RARB: variants seen among roughly 807,000 people sequenced by gnomAD.
RARB encodes the protein retinoic acid receptor beta, also known as HBV-activated protein.
Under a neutral mutation model 51.9 loss-of-function variants are expected in RARB, and 17 were observed. That is an observed-to-expected ratio of 0.33 (90% confidence interval 0.22 to 0.49). RARB has a LOEUF of 0.49. RARB is among the 20% of genes least tolerant of loss of function. The pLI, the probability that RARB is intolerant of heterozygous loss-of-function variation, is 0.99. For synonymous variants in RARB, 215 were observed against 195.4 expected, an observed-to-expected ratio of 1.10 and a Z score of -0.84; for missense variants, 369 against 550.8, an observed-to-expected ratio of 0.67 and a Z score of 3.30.
intron 3 of RARB, among the ~76,000 whole-genome samples, chr3:25,554,214 A>C (rs1047786513): frequency 6.7e-6 from 1 of 149,318 alleles, no homozygotes; most frequent in Non-Finnish European, 1.5e-5. Flanking sequence ...ACTGACATCT[A>C]GTATGTTGCC....
intron 5 of RARB, among the ~76,000 whole-genome samples, chr3:25,348,138 T>A (rs2125455418): frequency 6.6e-6 from 1 of 152,284 alleles, no homozygotes; most frequent in East Asian, 1.9e-4. Flanking sequence ...GGCTGTGAGA[T>A]CCAGCAGAGT....
intron 2 of RARB, among the ~76,000 whole-genome samples, chr3:24,933,060 T>A (rs1695474582): frequency 6.6e-6 from 1 of 152,108 alleles, no homozygotes; most frequent in Non-Finnish European, 1.5e-5. Flanking sequence ...ATAGCTGTAT[T>A]TTCATAAATA....
At chr3:25,553,255 G>A (rs1196008874) in intron 3 of RARB, among the ~76,000 whole-genome samples, 2 of 151,536 alleles carry the variant, frequency 1.3e-5, no homozygotes, top group East Asian at 1.9e-4. Context: ...CCCTTTCACT[G>A]GATGGGAGCC....
chr3:25,509,901 C>T (rs1376293875), intron 3 of RARB, among the ~76,000 whole-genome samples: 3 of 152,180 alleles, frequency 2.0e-5, no homozygotes, highest in Non-Finnish European at 2.9e-5. Context: ...TTATTTGGGA[C>T]TCTGTGGCCT....
intron 4 of RARB, among the ~76,000 whole-genome samples, chr3:25,165,026 A>G (rs1260096319): frequency 1.3e-5 from 2 of 152,294 alleles, no homozygotes; most frequent in Non-Finnish European, 2.9e-5. Flanking sequence ...TAAAAGGGGC[A>G]GTTAAGTACT....
At chr3:25,106,653 A>AT (rs71622797) in intron 3 of RARB, among the ~76,000 whole-genome samples, 88,424 of 147,098 alleles carry the variant, frequency 0.6, 26,726 homozygotes, top group East Asian at 0.82. Flanking sequence ...AGGCTGCAGT[A>AT]TTTTTTTTTT....
chr3:25,041,699 T>A (rs774828928), intron 2 of RARB, among the ~76,000 whole-genome samples: 1 of 152,140 alleles, frequency 6.6e-6, no homozygotes, highest in Non-Finnish European at 1.5e-5. Flanking sequence ...GAACACAGAT[T>A]GTGCCTTATA....
At chr3:25,395,064 A>G (rs1349310885) in intron 5 of RARB, among the ~76,000 whole-genome samples, 1 of 152,222 alleles carries the variant, frequency 6.6e-6, no homozygotes, top group Non-Finnish European at 1.5e-5. Flanking sequence ...TTCAAGATTC[A>G]GAGCTCCTTT....
At chr3:25,322,060 T>A (rs1704586270) in intron 5 of RARB, among the ~76,000 whole-genome samples, 1 of 152,094 alleles carries the variant, frequency 6.6e-6, no homozygotes, top group Non-Finnish European at 1.5e-5. Context: ...AAATGCATTA[T>A]AAGCAACAGC....
chr3:25,299,466 C>T (rs1293552319), intron 5 of RARB, among the ~76,000 whole-genome samples: 2 of 152,234 alleles, frequency 1.3e-5, no homozygotes, highest in Admixed American at 6.5e-5. Flanking sequence ...TCCCAAATTG[C>T]TGGGATTACA....
rs995936417 is a variant in RARB at position 25,236,639 on chromosome 3, G to T, written c.178+62064G>T. On this transcript the variant is annotated intron_variant, in intron 5 of 11. Coordinates refer to the RARB transcript ENST00000383772. ...CTTTAATGCATATAAAAGCGCTGGT[G>T]CTCCGAACAATTAATATATACATGT... is the stretch of plus-strand genomic sequence containing the variant. 7.2e-5 allele frequency among the ~76,000 whole-genome samples: 11 copies of T among 152,146 alleles called. No homozygotes were observed. The South Asian group carries it at 2.3e-3, about 32-fold the overall frequency.
At chr3:25,479,110 T>A (rs1696103160) in intron 2 of RARB, among the ~76,000 whole-genome samples, 1 of 151,840 alleles carries the variant, frequency 6.6e-6, no homozygotes, top group African/African-American at 2.4e-5. Flanking sequence ...TGTACATATT[T>A]CTAAGGCTGG....
At chr3:25,329,273 C>T (rs1704819564) in intron 5 of RARB, among the ~76,000 whole-genome samples, 1 of 152,176 alleles carries the variant, frequency 6.6e-6, no homozygotes, top group Non-Finnish European at 1.5e-5. Flanking sequence ...AGGCACCACC[C>T]AGTAGGGGCT....
chr3:24,881,899 T>A (rs1237558715), intron 2 of RARB, among the ~76,000 whole-genome samples: 1 of 152,154 alleles, frequency 6.6e-6, no homozygotes, highest in East Asian at 1.9e-4. Context: ...ATTAGTGAAA[T>A]TAACAAAACT....
intron 4 of RARB, among the ~76,000 whole-genome samples, chr3:25,158,101 A>G (rs7642261): frequency 1.3e-5 from 2 of 152,274 alleles, no homozygotes; most frequent in East Asian, 1.9e-4. Flanking sequence ...CGACCCAAAC[A>G]CATAAGCAGC....
chr3:24,983,497 A>C (rs1386938619), intron 2 of RARB, among the ~76,000 whole-genome samples: 1 of 152,048 alleles, frequency 6.6e-6, no homozygotes, highest in African/African-American at 2.4e-5. Context: ...TAAGCCCTAC[A>C]TGCATTAGTA....
intron 2 of RARB, among the ~76,000 whole-genome samples, chr3:24,928,567 C>G (rs573974004): frequency 6.6e-6 from 1 of 152,090 alleles, no homozygotes; most frequent in South Asian, 2.1e-4. Context: ...TTAATTTAGA[C>G]TCAACTTCTG....
chr3:24,901,273 G>A (rs1378475280), intron 2 of RARB, among the ~76,000 whole-genome samples: 3 of 152,214 alleles, frequency 2.0e-5, no homozygotes, highest in Non-Finnish European at 4.4e-5. Context: ...GAACCCAGGA[G>A]TATTACGGGT....
In RARB at chr3:25,501,179, C is replaced by T. The variant is rs1697296871; in HGVS notation, c.307-3C>T. On this transcript the variant is annotated splice_region_variant and splice_polypyrimidine_tract_variant and intron_variant, in intron 2 of 7. Transcript: ENST00000330688. Reference sequence around the variant, plus strand: ...GTTTTTTCATCTTCTTGCTTGCTTGCAGGGCTTTTTCCGCAGAAGTATTCA... The same window carrying T: ...GTTTTTTCATCTTCTTGCTTGCTTGTAGGGCTTTTTCCGCAGAAGTATTCA... 5.1e-6 allele frequency: 8 copies of T among 1,565,392 alleles called. No individual in the cohort carries two copies. Among genetic ancestry groups the T allele is most frequent in the South Asian group, 1.2e-5 (1 of 82,640 alleles).
Sources: allele counts gnomAD v4.1 joint callset (sites outside exome capture counted in the v4.1 genomes callset), GRCh38; gene constraint gnomAD v4.1.1; transcripts MANE v1.5; gene names NCBI Gene and HGNC (gene_info 2026-07-23, HGNC 2026-07-21).